The following DOCK11 variants were observed in gnomAD, a reference collection of about 807,000 sequenced individuals.
DOCK11 encodes dedicator of cytokinesis protein 11.
Under a neutral mutation model 169.1 loss-of-function variants are expected in DOCK11, and 70 were observed. The ratio of observed to expected loss-of-function variants is 0.41; its 90% CI spans 0.34 to 0.51. The LOEUF is 0.51. Ranked by LOEUF, DOCK11 falls within the 20% of genes least tolerant of loss-of-function variation. The probability of loss-of-function intolerance (pLI) is 0.10; values close to 1 mark genes in which losing one functional copy is unlikely to be tolerated. For synonymous variants in DOCK11, 529 were observed against 541.3 expected, an observed-to-expected ratio of 0.98 and a Z score of 0.32; for missense variants, 1,166 against 1,538.8, an observed-to-expected ratio of 0.76 and a Z score of 4.05.
intron 24 of DOCK11, among the ~76,000 whole-genome samples, chrX:118,606,293 T>C (rs771158935): frequency 9.0e-6 from 1 of 111,361 alleles, no homozygotes; most frequent in Non-Finnish European, 1.9e-5. Context: ...GGTCTCAAAC[T>C]CCTGATCTCA....
chrX:118,580,059 G>T (rs368135311), intron 13 of DOCK11, 38 bp from the exon 14 acceptor site: 85 of 1,159,247 alleles, frequency 7.3e-5, no homozygotes, highest in Middle Eastern at 4.8e-4. Context: ...ATGGCAGTTT[G>T]AACAAATACA....
intron 18 of DOCK11, among the ~76,000 whole-genome samples, chrX:118,588,911 A>C (rs776986698): frequency 2.8e-4 from 31 of 112,510 alleles, no homozygotes; most frequent in African/African-American, 9.0e-4. Context: ...TGGTGCCTCC[A>C]GTCTTGGATT....
At chrX:118,636,828 TACACACACACACAC>T (rs765702693) in intron 36 of DOCK11, among the ~76,000 whole-genome samples, 3 of 100,551 alleles carry the variant, frequency 3.0e-5, no homozygotes, top group Admixed American at 2.1e-4. Context: ...TATTTGTGTG[TACACACACACACAC>T]ACACACACAC....
intron 1 of DOCK11, among the ~76,000 whole-genome samples, chrX:118,505,801 A>G (rs1286864183): frequency 3.6e-5 from 4 of 112,542 alleles, no homozygotes; most frequent in Non-Finnish European, 7.5e-5. Context: ...TTGGGCCGGA[A>G]GGCTCTCCAG....
At chrX:118,591,583 T>C (rs1410477151) in intron 19 of DOCK11, among the ~76,000 whole-genome samples, 1 of 106,861 alleles carries the variant, frequency 9.4e-6, no homozygotes, top group Admixed American at 1.0e-4. Context: ...TTTTTATAGC[T>C]CTGATTTTTT....
chrX:118,676,580 CT>C lies in DOCK11; in HGVS notation c.5314-8del. The C allele has an allele frequency of 9.4e-7, 1 of 1,064,475 alleles. No individual in the cohort carries two copies. The highest frequency in any genetic ancestry group is 3.3e-5 in the East Asian group (1 of 30,537). The allele number at this position is 1,064,475 out of a possible 1,213,427, so 87.7% of individuals were successfully genotyped here. ...TATTTATAAGTTATTATTTGTTTAACTTTATAATAGTCTTTTTTTGAAGAAG... is the reference window on the plus strand; with the variant it reads ...TATTTATAAGTTATTATTTGTTTAACTTATAATAGTCTTTTTTTGAAGAAG... On this transcript the variant is annotated splice_polypyrimidine_tract_variant and intron_variant, in intron 47 of 52. Transcript: ENST00000276202.
At chrX:118,542,532 G>T (rs2012061578) in intron 1 of DOCK11, among the ~76,000 whole-genome samples, 193 bp from the exon 2 acceptor site, 1 of 110,297 alleles carries the variant, frequency 9.1e-6, no homozygotes, top group African/African-American at 3.3e-5. Context: ...GTGTGTGTGT[G>T]TGTGTGTGTG....
At chrX:118,645,408 C>T (rs1314212669) in intron 40 of DOCK11, among the ~76,000 whole-genome samples, 1 of 111,423 alleles carries the variant, frequency 9.0e-6, no homozygotes, top group Non-Finnish European at 1.9e-5. Context: ...AATTAGTAAT[C>T]ATGAGCCGGG....
At chrX:118,533,972 A>G (rs1369221294) in intron 1 of DOCK11, among the ~76,000 whole-genome samples, 3 of 112,432 alleles carry the variant, frequency 2.7e-5, no homozygotes, top group African/African-American at 9.7e-5. Context: ...GAAAGTCATT[A>G]TGTATCTCCA....
intron 1 of DOCK11, 70 bp from the exon 2 acceptor site, chrX:118,542,655 T>TTAG: frequency 1.3e-6 from 1 of 763,016 alleles, no homozygotes; most frequent in Non-Finnish European, 2.0e-6. Flanking sequence ...TAATGTATCT[T>TTAG]TAGTACATAG....
At chrX:118,528,149 T>C (rs192880282) in intron 1 of DOCK11, among the ~76,000 whole-genome samples, 90 of 112,133 alleles carry the variant, frequency 8.0e-4, no homozygotes, top group African/African-American at 2.7e-3. Context: ...TGTTCTTCTA[T>C]AGGCTGAGGC....
intron 28 of DOCK11, among the ~76,000 whole-genome samples, chrX:118,611,143 G>A (rs192971366): frequency 1.8e-5 from 2 of 112,170 alleles, no homozygotes; most frequent in East Asian, 5.6e-4. Flanking sequence ...AAACAAATCT[G>A]TTCTTGATAG....
At chrX:118,500,197 C>G (rs993868641) in intron 1 of DOCK11, among the ~76,000 whole-genome samples, 1 of 109,707 alleles carries the variant, frequency 9.1e-6, no homozygotes, top group African/African-American at 3.3e-5. Flanking sequence ...TACAGGCGCC[C>G]GCCGCCACGC....
intron 46 of DOCK11, among the ~76,000 whole-genome samples, chrX:118,674,014 A>G (rs1051081112): frequency 8.9e-6 from 1 of 112,274 alleles, no homozygotes; most frequent in Non-Finnish European, 1.9e-5. Flanking sequence ...AGATTTTCAG[A>G]TTAGACATGT....
intron 26 of DOCK11, among the ~76,000 whole-genome samples, chrX:118,608,797 T>C (rs945554307): frequency 3.6e-5 from 4 of 111,422 alleles, no homozygotes; most frequent in African/African-American, 9.8e-5. Context: ...GAATTTCGAG[T>C]ATCTTGGAGT....
intron 6 of DOCK11, among the ~76,000 whole-genome samples, chrX:118,551,362 G>T (rs1490977399): frequency 1.8e-5 from 2 of 111,919 alleles, no homozygotes; most frequent in South Asian, 7.4e-4. Flanking sequence ...TTAGAGAGAG[G>T]TGTACGTTTA....
intron 28 of DOCK11, 131 bp downstream of exon 28, chrX:118,610,549 C>A (rs371369127): frequency 1.2e-5 from 8 of 679,693 alleles, no homozygotes; most frequent in African/African-American, 8.7e-5. Flanking sequence ...AGGTTGCTTA[C>A]AAACGTTGGC....
intron 6 of DOCK11, among the ~76,000 whole-genome samples, chrX:118,556,135 C>T (rs763143935): frequency 9.3e-6 from 1 of 107,491 alleles, no homozygotes; most frequent in African/African-American, 3.4e-5. Context: ...ACCTCTGCCT[C>T]CTGGGTTCAA....
intron 23 of DOCK11, among the ~76,000 whole-genome samples, chrX:118,604,069 T>G (rs1429367503): frequency 8.9e-6 from 1 of 111,809 alleles, no homozygotes; most frequent in East Asian, 2.8e-4. Flanking sequence ...CGTAGGATAT[T>G]TAGCAGCATT....
Sources: allele counts gnomAD v4.1 joint callset (sites outside exome capture counted in the v4.1 genomes callset), GRCh38; gene constraint gnomAD v4.1.1; transcripts MANE v1.5; gene names NCBI Gene and HGNC (gene_info 2026-07-23, HGNC 2026-07-21).